WIPF3: variants seen among roughly 807,000 people sequenced by gnomAD.
WIPF3 encodes WAS/WASL-interacting protein family member 3.
WIPF3 carries 33 observed loss-of-function variants against 38.9 expected under a neutral mutation model. The ratio of observed to expected loss-of-function variants is 0.85; its 90% CI spans 0.64 to 1.14. The LOEUF (loss-of-function observed/expected upper bound fraction) is 1.14, where lower values mean the gene tolerates loss of function less well. Ranked by LOEUF, WIPF3 falls within the 50% of genes most tolerant of loss-of-function variation. The pLI, the probability that WIPF3 is intolerant of heterozygous loss-of-function variation, is 0.00. For synonymous variants in WIPF3, 324 were observed against 269.3 expected, an observed-to-expected ratio of 1.20 and a Z score of -1.99; for missense variants, 711 against 652.5, an observed-to-expected ratio of 1.09 and a Z score of -0.98.
chr7:29,871,626 A>G (rs1340144965), intron 2 of WIPF3, among the ~76,000 whole-genome samples: 1 of 152,172 alleles, frequency 6.6e-6, no homozygotes, highest in Non-Finnish European at 1.5e-5. Context: ...TGTGTATGTC[A>G]AAGTTTTGAT....
At chr7:29,910,337 A>T (rs1263599018) in intron 8 of WIPF3, among the ~76,000 whole-genome samples, 1 of 152,216 alleles carries the variant, frequency 6.6e-6, no homozygotes, top group African/African-American at 2.4e-5. Context: ...TCACTGGTGA[A>T]TTCTGCCAAA....
intron 2 of WIPF3, among the ~76,000 whole-genome samples, chr7:29,846,506 G>A (rs968966915): frequency 6.6e-6 from 1 of 152,198 alleles, no homozygotes; most frequent in African/African-American, 2.4e-5. Context: ...TTCAACACCA[G>A]CCTGGCCAAT....
chr7:29,900,842 T>C (rs1364226262), intron 7 of WIPF3, among the ~76,000 whole-genome samples: 2 of 152,210 alleles, frequency 1.3e-5, no homozygotes, highest in Non-Finnish European at 2.9e-5. Flanking sequence ...CAGCACTCCT[T>C]GCACCACATT....
chr7:29,827,600 T>C (rs1355846915), intron 1 of WIPF3, among the ~76,000 whole-genome samples: 1 of 152,000 alleles, frequency 6.6e-6, no homozygotes, highest in Admixed American at 6.6e-5. Flanking sequence ...TAATGTGAGA[T>C]ATATATTGCG....
At chr7:29,847,966 C>A (rs989958329) in intron 2 of WIPF3, among the ~76,000 whole-genome samples, 1 of 152,086 alleles carries the variant, frequency 6.6e-6, no homozygotes, top group African/African-American at 2.4e-5. Context: ...CTTCTGAGGC[C>A]TTCATTTTGG....
chr7:29,830,633 A>G (rs926084790), intron 1 of WIPF3, among the ~76,000 whole-genome samples: 18 of 151,746 alleles, frequency 1.2e-4, no homozygotes, highest in Admixed American at 2.0e-4. Context: ...AAAAAAAAAA[A>G]AAAGAAAGAA....
At chr7:29,910,012 T>C (rs1190058444) in intron 8 of WIPF3, among the ~76,000 whole-genome samples, 1 of 152,150 alleles carries the variant, frequency 6.6e-6, no homozygotes, top group Non-Finnish European at 1.5e-5. Context: ...AGACCTACTA[T>C]TTGATAGCAC....
At position 29,875,927 on chromosome 7, in the gene WIPF3, C is replaced by T. The variant is rs532711101; in HGVS notation, c.188C>T (p.Thr63Met). The T allele has an allele frequency of 1.2e-5, 19 of 1,614,048 alleles. No homozygotes were observed. Among genetic ancestry groups the T allele is most frequent in the Admixed American group, 1.0e-4 (6 of 60,038 alleles). The change falls in exon 3 of 9, where the codon ACG becomes ATG. Residue 63 changes from threonine (T) to methionine (M), a missense_variant. By Grantham distance (81) the Thr-to-Met change is moderately conservative (BLOSUM62 -1). Coordinates refer to ENST00000242140, the MANE Select transcript of WIPF3 (RefSeq NM_001080529.3). ...CAAGGAACTCGCCTGCGCAAAGTCA[C>T]GCAGATCAACGACCGCAGTGCCCCG... ...IQQGTRLRKV[T>M]QINDRSAPQI...
intron 7 of WIPF3, among the ~76,000 whole-genome samples, chr7:29,893,314 G>A (rs1202229102): frequency 1.3e-5 from 2 of 152,152 alleles, no homozygotes; most frequent in Non-Finnish European, 2.9e-5. Flanking sequence ...CTACAAGGGG[G>A]AGATGCCATG....
chr7:29,870,032 T>C (rs1785467670), intron 2 of WIPF3, among the ~76,000 whole-genome samples: 1 of 152,202 alleles, frequency 6.6e-6, no homozygotes, highest in African/African-American at 2.4e-5. Flanking sequence ...GTAGATGCTC[T>C]GCTAAGGGTA....
At chr7:29,873,806 T>C (rs1785538825) in intron 2 of WIPF3, among the ~76,000 whole-genome samples, 1 of 152,204 alleles carries the variant, frequency 6.6e-6, no homozygotes, top group Non-Finnish European at 1.5e-5. Context: ...ATAAGGTTCA[T>C]AACCCACACA....
chr7:29,878,919 G>GTAGACCAGTGT lies in WIPF3; in HGVS notation c.224-82_224-72dup. 7.0e-7 allele frequency: 1 copy of GTAGACCAGTGT among 1,422,634 alleles called. No individual in the cohort carries two copies. The highest frequency in any genetic ancestry group is 9.6e-7 in the Non-Finnish European group (1 of 1,044,412). The allele number at this position is 1,422,634 out of a possible 1,614,324, so 88.1% of individuals were successfully genotyped here. ...AATGGGAAGGCTGACAAGGGCAGTG[G>GTAGACCAGTGT]TAGACCAGTGTTAGACCATGGTCTG... On this transcript the variant is annotated intron_variant, in intron 3 of 8. Transcript: ENST00000242140. This position sits in a 1 kb window ranked among gnomAD's most constrained non-coding sequence, Gnocchi z 4.0.
chr7:29,863,056 G>T (rs766461422), intron 2 of WIPF3, among the ~76,000 whole-genome samples: 1 of 152,004 alleles, frequency 6.6e-6, no homozygotes, highest in African/African-American at 2.4e-5. Flanking sequence ...TATTTTGTTT[G>T]TTTTTATTTA....
Position 29,915,899 on chromosome 7 carries a change from G to A in WIPF3, c.*1383G>A, listed in dbSNP as rs1246762566. On this transcript the variant is annotated 3_prime_UTR_variant, in exon 9 of 9. Transcript: ENST00000242140. ...AGGGAAACCAGCGAAAAAGAAATTT[G>A]CTTTGCAACAACCCACGCACACATT... is the stretch of plus-strand genomic sequence containing the variant. 2 of 152,470 alleles carry A rather than the reference G, an allele frequency of 1.3e-5. No homozygotes were observed. Among genetic ancestry groups the A allele is most frequent in the Non-Finnish European group, 2.9e-5 (2 of 68,304 alleles). The allele number at this position is 152,470 out of a possible 1,614,324, so 9.4% of individuals were successfully genotyped here.
chr7:29,914,378 C>T, intron 8 of WIPF3, 115 bp from the exon 9 acceptor site: 2 of 819,546 alleles, frequency 2.4e-6, no homozygotes, highest in Non-Finnish European at 1.8e-6. Context: ...ACTTGACAGC[C>T]TTGCATGAAT....
intron 2 of WIPF3, among the ~76,000 whole-genome samples, chr7:29,847,134 G>C (rs1014061322): frequency 1.3e-5 from 2 of 152,212 alleles, no homozygotes; most frequent in African/African-American, 4.8e-5. Flanking sequence ...AGTAGCAGCT[G>C]TTGCTTACCA....
chr7:29,888,186 T>G lies in WIPF3; in HGVS notation c.1218T>G (p.Gly406=). 6.2e-7 allele frequency: 1 copy of G among 1,612,016 alleles called. No homozygotes were observed. Among genetic ancestry groups the G allele is most frequent in the South Asian group, 1.1e-5 (1 of 90,660 alleles). Residue 406 remains glycine, a synonymous_variant, in exon 6 of 9, where the codon GGT becomes GGG. Coordinates refer to ENST00000242140, the MANE Select transcript of WIPF3 (RefSeq NM_001080529.3). ...GGACCCCGACGCAGCAGCCTGGAGG[T>G]CAACTGCGAAATGGAAGCCTGCACA... ...TAWTPTQQPG[G]QLRNGSLHII...
At chr7:29,895,917 A>G (rs1786133981) in intron 7 of WIPF3, among the ~76,000 whole-genome samples, 1 of 152,214 alleles carries the variant, frequency 6.6e-6, no homozygotes, top group African/African-American at 2.4e-5. Context: ...TATTCAAACT[A>G]TATCAAACCT....
chr7:29,829,326 C>G (rs1438891318), intron 1 of WIPF3, among the ~76,000 whole-genome samples: 1 of 151,624 alleles, frequency 6.6e-6, no homozygotes, highest in Non-Finnish European at 1.5e-5. Context: ...CACTCTCCCA[C>G]CTCAGCCAGC....
Sources: gnomAD v4.1 joint callset for allele counts (sites outside exome capture counted in the v4.1 genomes callset) on GRCh38, gnomAD v4.1.1 for gene constraint, Gnocchi (gnomAD v3.1) non-coding constraint, MANE v1.5 for transcripts, NCBI Gene and HGNC (gene_info 2026-07-23, HGNC 2026-07-21) for gene names.